Variants in GRIN3B observed in about 807,000 individuals in gnomAD.
GRIN3B encodes glutamate receptor ionotropic, NMDA 3B.
A neutral mutation model predicts 66.0 loss-of-function variants in GRIN3B; 77 were observed. That is an observed-to-expected ratio of 1.17 (90% CI 0.97 to 1.41). The LOEUF (loss-of-function observed/expected upper bound fraction) is 1.41, where lower values mean the gene tolerates loss of function less well. Among genes scored for constraint, GRIN3B ranks in the 40% most tolerant of loss-of-function variants. The pLI is 0.00. For synonymous variants in GRIN3B, 823 were observed against 749.7 expected (o/e 1.10, Z -1.60); for missense variants, 1,787 against 1,564.5 (o/e 1.14, Z -2.40).
Position 1,009,537 on chromosome 19 carries a change from C to A in GRIN3B, c.3067C>A (p.Leu1023Ile). The A allele has an allele frequency of 6.7e-7, 1 of 1,485,240 alleles. No homozygotes were observed. The highest frequency in any genetic ancestry group is 1.3e-5 in the South Asian group (1 of 78,282). 92.0% of individuals were successfully genotyped at this position (1,485,240 alleles called of 1,614,324 possible). Residue 1023 changes from leucine to isoleucine, a missense_variant, in exon 9 of 9, where the codon CTT (leucine) becomes ATT (isoleucine). By Grantham distance (5) the Leu-to-Ile change is conservative. Coordinates refer to ENST00000234389, the MANE Select transcript of GRIN3B (RefSeq NM_138690.3). Reference protein sequence around the residue: ...DSARHRPRRLLQARAAPAEAP... With the variant: ...DSARHRPRRLIQARAAPAEAP... ...CGCACGTCACCGGCCTCGGCGCTTG[C>A]TTCAGGCCAGAGCGGCCCCCGCGGA...
intron 6 of GRIN3B, 49 bp downstream of exon 6, chr19:1,008,340 GGCCCTGA>G: frequency 8.6e-7 from 1 of 1,167,320 alleles, no homozygotes; most frequent in Non-Finnish European, 1.2e-6. Context: ...GGGCGTGGGG[GGCCCTGA>G]GCCTTGTCTG....
chr19:1,001,880 G>A (rs1255390859), intron 1 of GRIN3B: 2 of 152,352 alleles, frequency 1.3e-5, no homozygotes, highest in Non-Finnish European at 2.9e-5. Flanking sequence ...GCCGGGGCGT[G>A]GGACCGACCT....
chr19:1,007,703 T>C lies in GRIN3B; in HGVS notation c.2128T>C (p.Phe710Leu). 1 of 1,537,082 alleles carries C rather than the reference T, an allele frequency of 6.5e-7. No individual in the cohort carries two copies. Among genetic ancestry groups the C allele is most frequent in the East Asian group, 2.5e-5 (1 of 40,002 alleles). ...CGCCGAGGCGTACATCAAGAAGAGC[T>C]TCCCCGACATGCACGCACACATGCG... is the stretch of plus-strand genomic sequence containing the variant. ...SSAEAYIKKS[F>L]PDMHAHMRRH... Residue 710 changes from phenylalanine (F) to leucine (L), a missense_variant, in exon 4 of 9, where the codon TTC becomes CTC. Physicochemically the swap from Phe to Leu is conservative, Grantham distance 22. Transcript: ENST00000234389. This position sits in a 1 kb window ranked among gnomAD's most constrained non-coding sequence, Gnocchi z 4.4.
chr19:1,002,053 G>T (rs993312488), intron 1 of GRIN3B: 1 of 152,250 alleles, frequency 6.6e-6, no homozygotes, highest in Non-Finnish European at 1.5e-5. Flanking sequence ...CCAGGGCCGG[G>T]TGCGGTGGCT....
intron 1 of GRIN3B, among the ~76,000 whole-genome samples, chr19:1,001,332 G>A (rs923545574): frequency 1.3e-5 from 2 of 151,834 alleles, no homozygotes; most frequent in African/African-American, 4.8e-5. Context: ...GGGTCTGCAG[G>A]TCTGGATCTC....
At position 1,005,299 on chromosome 19, in the gene GRIN3B, C is replaced by A. The variant is rs768207134; in HGVS notation, c.1798C>A (p.Pro600Thr). Residue 600 changes from proline (P) to threonine (T), a missense_variant, in exon 3 of 9, where the codon CCC (proline) becomes ACC (threonine). By Grantham distance (38) the Pro-to-Thr change is conservative (BLOSUM62 -1). Transcript: ENST00000234389. This position sits in a 1 kb window ranked among gnomAD's most constrained non-coding sequence, Gnocchi z 5.2. ...CCTCACCGTGTACGAGTGGCGTAGC[C>A]CCTACGGCCTCACGCCACGTGGCCG... The part of the protein sequence containing the change: ...LFLTVYEWRS[P>T]YGLTPRGRNR... 6.2e-6 allele frequency: 10 copies of A among 1,613,528 alleles called. No homozygotes were observed. The highest frequency in any genetic ancestry group is 8.5e-6 in the Non-Finnish European group (10 of 1,180,002).
Position 1,007,702 on chromosome 19 carries a change from C to T in GRIN3B, c.2127C>T (p.Ser709=), listed in dbSNP as rs1162431024. The change falls in exon 4 of 9, where the codon AGC becomes AGT. Residue 709 remains serine (S), a synonymous_variant. Transcript: ENST00000234389. The surrounding 1 kb of genome is among the most constrained non-coding windows in gnomAD (Gnocchi z 4.4). ...GCGCCGAGGCGTACATCAAGAAGAG[C>T]TTCCCCGACATGCACGCACACATGC... ...ESSAEAYIKK[S]FPDMHAHMRR... The T allele has an allele frequency of 6.5e-7, 1 of 1,537,596 alleles. No homozygotes were observed.
In GRIN3B at chr19:1,007,592, G is replaced by A. The variant is rs754407215; in HGVS notation, c.2053-36G>A. 2.5e-5 allele frequency: 36 copies of A among 1,453,180 alleles called. 1 individual carries two copies. In the South Asian group the frequency reaches 4.1e-4, roughly 17 times the overall value. 90.0% of individuals were successfully genotyped at this position (1,453,180 alleles called of 1,614,324 possible). A position where few individuals can be genotyped will look rare whatever the true frequency, so the allele number is the denominator to read the frequency against. ...CCCCTCAATGGTCAGGGGTCCTGAGGGGCAGGCAGAGGCGCTGACGGGGTC... is the reference window on the plus strand; with the variant it reads ...CCCCTCAATGGTCAGGGGTCCTGAGAGGCAGGCAGAGGCGCTGACGGGGTC... On this transcript the variant is annotated intron_variant, in intron 3 of 8. Coordinates refer to ENST00000234389, the MANE Select transcript of GRIN3B (RefSeq NM_138690.3). The surrounding 1 kb of genome is among the most constrained non-coding windows in gnomAD (Gnocchi z 4.4).
chr19:1,000,722 G>C lies in GRIN3B; in HGVS notation c.285G>C (p.Leu95=). 2.8e-6 allele frequency: 4 copies of C among 1,427,090 alleles called. No homozygotes were observed. Among genetic ancestry groups the C allele is most frequent in the Non-Finnish European group, 3.7e-6 (4 of 1,093,098 alleles). The allele number at this position is 1,427,090 out of a possible 1,614,324, so 88.4% of individuals were successfully genotyped here. The change falls in exon 1 of 9, where the codon CTG becomes CTC. Residue 95 remains leucine (L), a synonymous_variant. Transcript: ENST00000234389. Reference sequence around the variant, plus strand: ...TGACCCGCGGCCTGTGCCAGGCGCTGGTGCCTCCGGGCGTGGCGGCCCTGC... The same window carrying C: ...TGACCCGCGGCCTGTGCCAGGCGCTCGTGCCTCCGGGCGTGGCGGCCCTGC... The part of the protein sequence containing the change: ...ASLTRGLCQA[L]VPPGVAALLA...
At chr19:1,000,977 G>A in intron 1 of GRIN3B, 114 bp downstream of exon 1, 1 of 1,155,342 alleles carries the variant, frequency 8.7e-7, no homozygotes, top group Non-Finnish European at 1.1e-6. Flanking sequence ...AGGGAAGGGG[G>A]ATCCCGGGAC....
rs1336192225 is a variant in GRIN3B at position 1,007,841 on chromosome 19, C to A, written c.2199-15C>A. The A allele has an allele frequency of 1.9e-5, 30 of 1,591,210 alleles. No homozygotes were observed. The highest frequency in any genetic ancestry group is 2.6e-5 in the Non-Finnish European group (30 of 1,165,714). On this transcript the variant is annotated splice_polypyrimidine_tract_variant and intron_variant, in intron 4 of 8. Transcript: ENST00000234389. The surrounding 1 kb of genome is among the most constrained non-coding windows in gnomAD (Gnocchi z 4.4). ...GGGCGGGGCGATGGCTGACCCCCGC[C>A]CCCGGCCCCAGCAGGAGCGACCCCC...
At position 1,007,769 on chromosome 19, in the gene GRIN3B, C is replaced by T; in HGVS notation, c.2194C>T (p.Leu732Phe). ...CACCACGCCCCGCGGCGTCGCCATG[C>T]TCACGTGAGCCCGGGCGCGGGGTGA... Reference protein sequence around the residue: ...APTTPRGVAMLTSDPPKLNAF... With the variant: ...APTTPRGVAMFTSDPPKLNAF... The change falls in exon 4 of 9, where the codon CTC becomes TTC. Residue 732 changes from leucine to phenylalanine, a missense_variant. Coordinates refer to ENST00000234389, the MANE Select transcript of GRIN3B (RefSeq NM_138690.3). This position sits in a 1 kb window ranked among gnomAD's most constrained non-coding sequence, Gnocchi z 4.4. The T allele has an allele frequency of 1.3e-6, 2 of 1,516,584 alleles. No homozygotes were observed. The highest frequency in any genetic ancestry group is 2.1e-5 in the Admixed American group (1 of 46,640). The allele number at this position is 1,516,584 out of a possible 1,614,324, so 93.9% of individuals were successfully genotyped here. A position where few individuals can be genotyped will look rare whatever the true frequency, so the allele number is the denominator to read the frequency against.
rs558873297 is a variant in GRIN3B at position 1,004,954 on chromosome 19, G to C, written c.1453G>C (p.Glu485Gln). 1.2e-6 allele frequency: 2 copies of C among 1,611,870 alleles called. No homozygotes were observed. The highest frequency in any genetic ancestry group is 1.7e-6 in the Non-Finnish European group (2 of 1,179,598). ...CCYGYCIDLL[E>Q]RLAEDTPFDF... ...CTACGGCTACTGCATTGACCTGCTG[G>C]AGCGGCTGGCGGAGGACACGCCCTT... The change falls in exon 3 of 9, where the codon GAG (glutamate) becomes CAG (glutamine). Residue 485 changes from glutamate (E) to glutamine (Q), a missense_variant. Coordinates refer to ENST00000234389, the MANE Select transcript of GRIN3B (RefSeq NM_138690.3).
Position 1,007,407 on chromosome 19 carries a change from T to G in GRIN3B, c.2053-221T>G, listed in dbSNP as rs1385636206. On this transcript the variant is annotated intron_variant, in intron 3 of 8. Transcript: ENST00000234389. This position sits in a 1 kb window ranked among gnomAD's most constrained non-coding sequence, Gnocchi z 4.4. ...AACAGAGGGTCTCCACCCGGGGTGATCCTGCCCCCCGCCCCAGGGGACCCT... is the reference window on the plus strand; with the variant it reads ...AACAGAGGGTCTCCACCCGGGGTGAGCCTGCCCCCCGCCCCAGGGGACCCT... 1.3e-5 allele frequency among the ~76,000 whole-genome samples: 2 copies of G among 151,810 alleles called. No individual in the cohort carries two copies. The highest frequency in any genetic ancestry group is 2.4e-5 in the African/African-American group (1 of 41,288).
Position 1,004,599 on chromosome 19 carries a change from G to A in GRIN3B, c.1098G>A (p.Arg366=). Residue 366 remains arginine, a synonymous_variant, in exon 3 of 9, where the codon CGG becomes CGA. Transcript: ENST00000234389. ...GCAGCTCCCAGGTACACATGTCTCGGCACTTTAAGGTGTGGAGCCTTCGCC... is the reference window on the plus strand; with the variant it reads ...GCAGCTCCCAGGTACACATGTCTCGACACTTTAAGGTGTGGAGCCTTCGCC... ...VTGSSQVHMS[R]HFKVWSLRRD... 5 of 1,608,484 alleles carry A rather than the reference G, an allele frequency of 3.1e-6. No homozygotes were observed. The highest frequency in any genetic ancestry group is 4.2e-6 in the Non-Finnish European group (5 of 1,178,176).
At position 1,009,197 on chromosome 19, in the gene GRIN3B, G is replaced by T. The variant is rs1374866764; in HGVS notation, c.2727G>T (p.Gln909His). ...GCGGCCCCGAGGTGGAGCAGCAGCAGCAGCAGCAGGACCAGCCAACGGCTC... is the reference window on the plus strand; with the variant it reads ...GCGGCCCCGAGGTGGAGCAGCAGCATCAGCAGCAGGACCAGCCAACGGCTC... ...EPSGPEVEQQ[Q>H]QQQDQPTAPE... Residue 909 changes from glutamine to histidine, a missense_variant, in exon 9 of 9, where the codon CAG (glutamine) becomes CAT (histidine). By Grantham distance (24) the Gln-to-His change is conservative. Coordinates refer to ENST00000234389, the MANE Select transcript of GRIN3B (RefSeq NM_138690.3). The T allele has an allele frequency of 1.4e-6, 2 of 1,477,094 alleles. No individual in the cohort carries two copies. The highest frequency in any genetic ancestry group is 2.3e-4 in the Middle Eastern group (1 of 4,324). 91.5% of individuals were successfully genotyped at this position (1,477,094 alleles called of 1,614,324 possible).
rs112844194 is a variant in GRIN3B at position 1,005,610 on chromosome 19, T to C, written c.2052+57T>C. 36 of 1,371,136 alleles carry C rather than the reference T, an allele frequency of 2.6e-5. 1 individual carries two copies. The South Asian group carries it at 5.1e-4, about 20-fold the overall frequency. The allele number at this position is 1,371,136 out of a possible 1,614,324, so 84.9% of individuals were successfully genotyped here. ...TGGGGGGCTAGCGGTGGCCCCGGGCTGGGCTGTGTGGGGCAGGGGTGGTCA... is the reference window on the plus strand; with the variant it reads ...TGGGGGGCTAGCGGTGGCCCCGGGCCGGGCTGTGTGGGGCAGGGGTGGTCA... On this transcript the variant is annotated intron_variant, in intron 3 of 8. Transcript: ENST00000234389. The surrounding 1 kb of genome is among the most constrained non-coding windows in gnomAD (Gnocchi z 5.2).
chr19:1,008,966 C>T (rs1407436370), intron 8 of GRIN3B, 39 bp downstream of exon 8: 5 of 1,564,534 alleles, frequency 3.2e-6, no homozygotes, highest in Non-Finnish European at 4.3e-6. Context: ...GCAGGACCAC[C>T]CAGACCCACC....
In GRIN3B at chr19:1,009,370, G is replaced by GCCGC. The variant is rs1273354687; in HGVS notation, c.2910_2913dup (p.Ala972ArgfsTer25). On this transcript the variant is annotated frameshift_variant, in exon 9 of 9. Transcript: ENST00000234389. LOFTEE classifies it low-confidence loss of function (END_TRUNC). The stretch of plus-strand genomic sequence containing the variant: ...GGCCCCGTCTGGCTGTGCTCCTACG[G>GCCGC]CCGCCCGCCCGCCGCAAGGCCCACG... The GCCGC allele has an allele frequency of 1.5e-5, 20 of 1,370,482 alleles. No homozygotes were observed. Among genetic ancestry groups the GCCGC allele is most frequent in the East Asian group, 1.3e-4 (4 of 31,744 alleles). The allele number at this position is 1,370,482 out of a possible 1,614,324, so 84.9% of individuals were successfully genotyped here. A position where few individuals can be genotyped will look rare whatever the true frequency, so the allele number is the denominator to read the frequency against.
Sources: allele counts gnomAD v4.1 joint callset (sites outside exome capture counted in the v4.1 genomes callset), GRCh38; gene constraint gnomAD v4.1.1; non-coding constraint Gnocchi (gnomAD v3.1); transcripts MANE v1.5; gene names NCBI Gene and HGNC (gene_info 2026-07-23, HGNC 2026-07-21).